Variants in GPC6 observed in about 807,000 individuals in gnomAD.
GPC6 encodes the protein glypican-6.
Under a neutral mutation model 55.2 loss-of-function variants are expected in GPC6, and 14 were observed. The ratio of observed to expected loss-of-function variants is 0.25; its 90% confidence interval spans 0.17 to 0.40. The LOEUF is 0.40. Among genes scored for constraint, GPC6 ranks in the 10% least tolerant of loss-of-function variants. GPC6 has a pLI of 1.00. For missense variants in GPC6, 641 were observed against 708.5 expected, an observed-to-expected ratio of 0.90 and a Z score of 1.08; for synonymous variants, 278 against 259.6, an observed-to-expected ratio of 1.07 and a Z score of -0.68.
At chr13:93,483,656 A>G (rs1879597080) in intron 1 of GPC6, among the ~76,000 whole-genome samples, 1 of 152,160 alleles carries the variant, frequency 6.6e-6, no homozygotes. Flanking sequence ...TTTGTAGTGT[A>G]ATTTAGTAAT....
chr13:93,595,916 T>C (rs1877708226), intron 2 of GPC6, among the ~76,000 whole-genome samples: 1 of 152,220 alleles, frequency 6.6e-6, no homozygotes, highest in African/African-American at 2.4e-5. Context: ...GATGTATAAA[T>C]ATTTAATAGA....
chr13:93,693,303 A>G (rs1288750800), intron 2 of GPC6, among the ~76,000 whole-genome samples: 1 of 152,176 alleles, frequency 6.6e-6, no homozygotes, highest in Non-Finnish European at 1.5e-5. Context: ...AGGTAGTTTA[A>G]ATGATAAAGT....
chr13:94,324,384 G>A (rs1268426241), intron 6 of GPC6, among the ~76,000 whole-genome samples: 1 of 150,440 alleles, frequency 6.6e-6, no homozygotes, highest in African/African-American at 2.4e-5. Context: ...CCCCAAAATA[G>A]GTGATTGAAT....
At chr13:93,586,199 G>C (rs573255536) in intron 2 of GPC6, among the ~76,000 whole-genome samples, 1 of 152,052 alleles carries the variant, frequency 6.6e-6, no homozygotes, top group Non-Finnish European at 1.5e-5. Context: ...ACTTATAAGA[G>C]AGAAGAAACA....
At chr13:93,788,544 C>CA (rs1555331544) in intron 2 of GPC6, among the ~76,000 whole-genome samples, 1 of 151,058 alleles carries the variant, frequency 6.6e-6, no homozygotes, top group African/African-American at 2.4e-5. Flanking sequence ...CACACACACA[C>CA]CTTGTCTGCT....
At chr13:93,313,756 T>C (rs1229371130) in intron 1 of GPC6, among the ~76,000 whole-genome samples, 1 of 152,000 alleles carries the variant, frequency 6.6e-6, no homozygotes, top group Non-Finnish European at 1.5e-5. Flanking sequence ...AGCCTAGAAT[T>C]TCTGGGCTCA....
At chr13:93,362,523 A>G (rs1006101738) in intron 1 of GPC6, among the ~76,000 whole-genome samples, 2 of 152,094 alleles carry the variant, frequency 1.3e-5, no homozygotes, top group South Asian at 2.1e-4. Flanking sequence ...TATATTAAAT[A>G]TTGTCTTAGT....
At chr13:93,459,247 G>A (rs568802755) in intron 1 of GPC6, among the ~76,000 whole-genome samples, 9 of 152,156 alleles carry the variant, frequency 5.9e-5, no homozygotes, top group Admixed American at 3.3e-4. Flanking sequence ...CCAATTTTTT[G>A]TAGAGCCAGG....
chr13:93,749,897 G>A (rs1196221442), intron 2 of GPC6, among the ~76,000 whole-genome samples: 1 of 151,978 alleles, frequency 6.6e-6, no homozygotes, highest in Non-Finnish European at 1.5e-5. Flanking sequence ...TTGAAAACTG[G>A]GCATTTATAA....
chr13:94,222,598 C>G (rs1420473439), intron 4 of GPC6, among the ~76,000 whole-genome samples: 4 of 152,034 alleles, frequency 2.6e-5, no homozygotes, highest in Non-Finnish European at 5.9e-5. Flanking sequence ...TAGATTCATC[C>G]AAGAAAATCT....
chr13:94,112,454 C>T (rs1053328248), intron 4 of GPC6, among the ~76,000 whole-genome samples: 4 of 152,290 alleles, frequency 2.6e-5, no homozygotes, highest in Admixed American at 6.5e-5. Context: ...TAACCAGATG[C>T]AGATGGTCAA....
At chr13:93,221,900 TGTCCTACTTTGATCTAAAAAATACTA>T, upstream of GPC6, among the ~76,000 whole-genome samples, 1 of 152,230 alleles carries the variant, frequency 6.6e-6, no homozygotes, top group Admixed American at 6.5e-5. Context: ...TGAAGTTATT[TGTCCTACTTTGATCTAAAAAATACTA>T]AGAAAAAACT....
chr13:93,895,234 G>GTGTGTGTATATATATA (rs1196315147), intron 3 of GPC6, among the ~76,000 whole-genome samples: 1 of 108,206 alleles, frequency 9.2e-6, no homozygotes, highest in Non-Finnish European at 1.9e-5. Context: ...GTGTGTGTGT[G>GTGTGTGTATATATATA]TATATATATA....
intron 3 of GPC6, among the ~76,000 whole-genome samples, chr13:93,870,161 A>G (rs1166600599): frequency 1.3e-5 from 2 of 151,992 alleles, no homozygotes; most frequent in Non-Finnish European, 2.9e-5. Flanking sequence ...CTATTTTCAC[A>G]TAGCCTCAAG....
intron 6 of GPC6, among the ~76,000 whole-genome samples, chr13:94,321,932 T>G (rs535600006): frequency 6.6e-6 from 1 of 152,360 alleles, no homozygotes; most frequent in Non-Finnish European, 1.5e-5. Flanking sequence ...CCGTAAACAC[T>G]GACCTTCAGA....
At chr13:93,937,790 G>A (rs928631981) in intron 3 of GPC6, among the ~76,000 whole-genome samples, 17 of 152,064 alleles carry the variant, frequency 1.1e-4, no homozygotes, top group African/African-American at 4.1e-4. Flanking sequence ...TGTTGGCCAG[G>A]CTGGTCTCGA....
intron 4 of GPC6, among the ~76,000 whole-genome samples, chr13:94,146,639 C>T (rs1450159206): frequency 6.6e-6 from 1 of 152,014 alleles, no homozygotes; most frequent in Non-Finnish European, 1.5e-5. Context: ...GGTTACTGAA[C>T]CAGGATCATA....
intron 4 of GPC6, among the ~76,000 whole-genome samples, chr13:94,097,478 G>A (rs1333609408): frequency 7.2e-6 from 1 of 138,936 alleles, no homozygotes; most frequent in Non-Finnish European, 1.5e-5. Context: ...CTGCGCTCCA[G>A]CCTGGGCCAC....
chr13:93,740,644 C>T (rs1420389840), intron 2 of GPC6, among the ~76,000 whole-genome samples: 1 of 152,158 alleles, frequency 6.6e-6, no homozygotes, highest in Non-Finnish European at 1.5e-5. Context: ...ATCTCCTGAT[C>T]ATATTTCAAA....
Sources: gnomAD v4.1 joint callset for allele counts (sites outside exome capture counted in the v4.1 genomes callset) on GRCh38, gnomAD v4.1.1 for gene constraint, MANE v1.5 for transcripts, NCBI Gene and HGNC (gene_info 2026-07-23, HGNC 2026-07-21) for gene names.